Variants in DSTN observed in about 807,000 individuals in gnomAD.
DSTN encodes the protein destrin.
DSTN carries 10 observed loss-of-function variants against 16.8 expected under a neutral mutation model. The observed-to-expected ratio is 0.60, with a 90% CI of 0.37 to 1.01. DSTN has a LOEUF of 1.01. Among genes scored for constraint, DSTN ranks in the 50% least tolerant of loss-of-function variants. The probability of loss-of-function intolerance (pLI) is 0.01; values close to 1 mark genes in which losing one functional copy is unlikely to be tolerated. For synonymous variants in DSTN, 57 were observed against 58.9 expected (o/e 0.97, Z 0.14); for missense variants, 141 against 196.7 (o/e 0.72, Z 1.69).
intron 1 of DSTN, among the ~76,000 whole-genome samples, chr20:17,597,854 C>G (rs1005837295): frequency 6.6e-6 from 1 of 152,094 alleles, no homozygotes; most frequent in African/African-American, 2.4e-5. Context: ...TCCCCATTCC[C>G]CTTTTTTCTC....
intron 2 of DSTN, among the ~76,000 whole-genome samples, chr20:17,602,809 G>A (rs184384917): frequency 8.2e-4 from 125 of 152,198 alleles, no homozygotes; most frequent in African/African-American, 2.8e-3. Flanking sequence ...GGCAGATCAC[G>A]AGGTCAAGAG....
At chr20:17,594,082 A>AAAAT (rs59974407) in intron 1 of DSTN, among the ~76,000 whole-genome samples, 12,417 of 145,482 alleles carry the variant, frequency 0.085, 573 homozygotes, top group African/African-American at 0.11. Context: ...CCGTATCTCA[A>AAAAT]AAATAAATAA....
intron 1 of DSTN, among the ~76,000 whole-genome samples, chr20:17,573,519 A>G (rs1215927191): frequency 1.3e-5 from 2 of 152,050 alleles, no homozygotes; most frequent in African/African-American, 2.4e-5. Flanking sequence ...ATATATTGCT[A>G]TATATTACTT....
At chr20:17,587,941 A>G (rs954764265) in intron 1 of DSTN, among the ~76,000 whole-genome samples, 2 of 152,232 alleles carry the variant, frequency 1.3e-5, no homozygotes, top group African/African-American at 2.4e-5. Context: ...AGTGATTACC[A>G]TATTAGACAG....
At chr20:17,578,310 A>C (rs904720709) in intron 1 of DSTN, among the ~76,000 whole-genome samples, 1 of 152,240 alleles carries the variant, frequency 6.6e-6, no homozygotes, top group African/African-American at 2.4e-5. Context: ...GGGAGAGGGT[A>C]TTCTTAATTA....
At chr20:17,596,953 G>T (rs894094414) in intron 1 of DSTN, among the ~76,000 whole-genome samples, 1 of 152,224 alleles carries the variant, frequency 6.6e-6, no homozygotes, top group South Asian at 2.1e-4. Context: ...AAGATTGGTT[G>T]ATTGAATATA....
intron 1 of DSTN, among the ~76,000 whole-genome samples, chr20:17,577,776 C>T (rs915730438): frequency 6.6e-6 from 1 of 152,052 alleles, no homozygotes; most frequent in African/African-American, 2.4e-5. Flanking sequence ...ATATTTTACA[C>T]TGAAAGCACG....
At chr20:17,578,108 T>C (rs2035300159) in intron 1 of DSTN, among the ~76,000 whole-genome samples, 1 of 152,256 alleles carries the variant, frequency 6.6e-6, no homozygotes, top group Non-Finnish European at 1.5e-5. Flanking sequence ...ACCAACTAAA[T>C]TCTCTGCATT....
intron 1 of DSTN, chr20:17,591,869 A>G (rs1234381012): frequency 2.0e-6 from 2 of 983,370 alleles, no homozygotes; most frequent in East Asian, 2.3e-4. Flanking sequence ...GGTCTCTGAG[A>G]TGTTAATAAA....
chr20:17,596,049 T>C (rs2035523057), intron 1 of DSTN, among the ~76,000 whole-genome samples: 1 of 152,222 alleles, frequency 6.6e-6, no homozygotes, highest in African/African-American at 2.4e-5. Context: ...TGTTGAAATG[T>C]TCAGAGGCCC....
At chr20:17,591,411 G>A (rs909505714) in intron 1 of DSTN, among the ~76,000 whole-genome samples, 18 of 151,626 alleles carry the variant, frequency 1.2e-4, no homozygotes, top group African/African-American at 4.1e-4. Flanking sequence ...AGGGCCCATA[G>A]GCTTTGCCAG....
intron 1 of DSTN, among the ~76,000 whole-genome samples, chr20:17,600,093 C>T (rs568025243): frequency 1.3e-5 from 2 of 152,304 alleles, no homozygotes; most frequent in East Asian, 3.9e-4. Context: ...GGTAATTTTT[C>T]TGGTCAGTAT....
intron 1 of DSTN, among the ~76,000 whole-genome samples, chr20:17,598,798 A>G (rs913714971): frequency 4.6e-5 from 7 of 152,076 alleles, no homozygotes; most frequent in Non-Finnish European, 8.8e-5. Context: ...CGGTCTCCCT[A>G]TGTTGCCCAC....
At chr20:17,571,950 T>C (rs2122152702) in intron 1 of DSTN, among the ~76,000 whole-genome samples, 1 of 152,324 alleles carries the variant, frequency 6.6e-6, no homozygotes, top group Admixed American at 6.5e-5. Flanking sequence ...AAGTTACTCT[T>C]AGAGTTCAGA....
intron 1 of DSTN, among the ~76,000 whole-genome samples, chr20:17,597,760 T>A (rs2035542521): frequency 6.6e-6 from 1 of 152,210 alleles, no homozygotes; most frequent in South Asian, 2.1e-4. Flanking sequence ...TTCAGTATAT[T>A]CACAGTTGTG....
intron 1 of DSTN, among the ~76,000 whole-genome samples, chr20:17,591,074 C>T (rs1276362126): frequency 6.6e-6 from 1 of 152,244 alleles, no homozygotes; most frequent in Non-Finnish European, 1.5e-5. Flanking sequence ...TGCCTCTGCA[C>T]TCCAGCTAGG....
Position 17,609,897 on chromosome 20 carries a change from TA to T in DSTN, c.*2754del, listed in dbSNP as rs2035681284. ...TCTCTTGCCCTGACAAAGCAGCAAA[TA>T]AAGCCATTGCTAACAATTCAATCAG... On this transcript the variant is annotated 3_prime_UTR_variant, in exon 4 of 4. Coordinates refer to ENST00000246069, the MANE Select transcript of DSTN (RefSeq NM_006870.4). 1 of 152,236 alleles carries T rather than the reference TA, an allele frequency of 6.6e-6. No individual in the cohort carries two copies. Among genetic ancestry groups the T allele is most frequent in the Admixed American group, 6.5e-5 (1 of 15,290 alleles). 9.4% of individuals were successfully genotyped at this position (152,236 alleles called of 1,614,324 possible).
intron 1 of DSTN, among the ~76,000 whole-genome samples, chr20:17,576,745 A>G (rs2035283144): frequency 6.6e-6 from 1 of 152,192 alleles, no homozygotes; most frequent in Admixed American, 6.5e-5. Flanking sequence ...TCCTTTGAAC[A>G]TTTTTACATT....
intron 1 of DSTN, among the ~76,000 whole-genome samples, chr20:17,575,841 G>C (rs1282111327): frequency 6.6e-6 from 1 of 152,140 alleles, no homozygotes; most frequent in Non-Finnish European, 1.5e-5. Context: ...AAAGTATCTT[G>C]AGTTTACTTC....
Sources: allele counts gnomAD v4.1 joint callset (sites outside exome capture counted in the v4.1 genomes callset), GRCh38; gene constraint gnomAD v4.1.1; transcripts MANE v1.5; gene names NCBI Gene and HGNC (gene_info 2026-07-23, HGNC 2026-07-21).